The following RB1 variants were observed in gnomAD, a reference collection of about 807,000 sequenced individuals.
The protein encoded by RB1 is retinoblastoma-associated protein.
In RB1, 18 loss-of-function variants were observed where a neutral mutation model predicts 135.4. The observed-to-expected ratio is 0.13, with a 90% CI of 0.09 to 0.20. RB1 has a LOEUF of 0.20. RB1 is among the 10% of genes least tolerant of loss of function. The pLI, the probability that RB1 is intolerant of heterozygous loss-of-function variation, is 1.00. For missense variants in RB1, 868 were observed against 1,110.0 expected (o/e 0.78, Z 3.10); for synonymous variants, 365 against 373.2 (o/e 0.98, Z 0.25).
intron 12 of RB1, 123 bp downstream of exon 12, chr13:48,373,615 T>C: frequency 1.6e-6 from 1 of 625,922 alleles, no homozygotes; most frequent in East Asian, 2.8e-5. Flanking sequence ...TTATCCATAA[T>C]CTTTTCTTGC....
At chr13:48,320,366 C>T (rs1952223951) in intron 2 of RB1, 2 of 1,227,664 alleles carry the variant, frequency 1.6e-6, no homozygotes, top group Non-Finnish European at 2.4e-6. Flanking sequence ...CTCTCCACCC[C>T]CTCGTCAGCC....
intron 17 of RB1, among the ~76,000 whole-genome samples, chr13:48,451,544 C>T (rs1949327012): frequency 6.6e-6 from 1 of 152,076 alleles, no homozygotes; most frequent in Non-Finnish European, 1.5e-5. Flanking sequence ...TGGATTTTTG[C>T]ATTGCTGTTC....
chr13:48,359,588 A>C (rs1952621030), intron 6 of RB1, among the ~76,000 whole-genome samples: 1 of 147,788 alleles, frequency 6.8e-6, no homozygotes, highest in African/African-American at 2.4e-5. Context: ...ATAATAAAAT[A>C]TTATACAAAT....
chr13:48,335,073 G>A (rs984195533), intron 2 of RB1, among the ~76,000 whole-genome samples: 3 of 151,956 alleles, frequency 2.0e-5, no homozygotes, highest in Non-Finnish European at 1.5e-5. Context: ...AGAGATAATC[G>A]TGAACATTTT....
intron 23 of RB1, among the ~76,000 whole-genome samples, chr13:48,466,596 G>A (rs1949446656): frequency 2.0e-5 from 3 of 151,814 alleles, no homozygotes; most frequent in South Asian, 2.1e-4. Flanking sequence ...GGTTTCAGAC[G>A]ATCAAATTAC....
At chr13:48,450,367 C>T (rs187591344) in intron 17 of RB1, among the ~76,000 whole-genome samples, 1 of 152,034 alleles carries the variant, frequency 6.6e-6, no homozygotes, top group East Asian at 1.9e-4. Context: ...TCTCCGAGGA[C>T]CATTTATTTA....
intron 2 of RB1, among the ~76,000 whole-genome samples, chr13:48,329,293 A>G (rs1030183187): frequency 7.9e-5 from 12 of 152,222 alleles, no homozygotes; most frequent in Non-Finnish European, 1.8e-4. Flanking sequence ...CTTGAAAATC[A>G]TCAGGTACCT....
intron 21 of RB1, among the ~76,000 whole-genome samples, chr13:48,464,658 A>C (rs533101242): frequency 6.6e-6 from 1 of 152,124 alleles, no homozygotes; most frequent in African/African-American, 2.4e-5. Context: ...TGGCCCTTTG[A>C]TTCCCATCAT....
intron 2 of RB1, among the ~76,000 whole-genome samples, chr13:48,322,006 G>A (rs1045440714): frequency 2.0e-5 from 3 of 152,126 alleles, no homozygotes; most frequent in Non-Finnish European, 2.9e-5. Context: ...CCCATTCTGA[G>A]GGTTGTCTCT....
chr13:48,308,223 G>T (rs1467618551), intron 2 of RB1, among the ~76,000 whole-genome samples: 3 of 151,584 alleles, frequency 2.0e-5, no homozygotes, highest in Admixed American at 6.6e-5. Flanking sequence ...GGTGGTGTGT[G>T]CCTATAGTCC....
intron 7 of RB1, among the ~76,000 whole-genome samples, chr13:48,361,445 C>T (rs1364571292): frequency 1.3e-5 from 2 of 152,100 alleles, no homozygotes; most frequent in East Asian, 1.9e-4. Flanking sequence ...TCTGTAGCCC[C>T]ATTGCCTGCT....
intron 24 of RB1, chr13:48,476,420 C>A: frequency 2.6e-6 from 1 of 385,392 alleles, no homozygotes; most frequent in Non-Finnish European, 4.9e-6. Context: ...AATGAGGAAC[C>A]AGGACTTGCA....
chr13:48,348,848 A>ATTTTTT, intron 5 of RB1, 108 bp from the exon 6 acceptor site: 1 of 1,091,026 alleles, frequency 9.2e-7, no homozygotes, highest in Non-Finnish European at 1.2e-6. Flanking sequence ...AACTAAGGTC[A>ATTTTTT]TTTTTTTTTT....
chr13:48,365,986 G>C (rs991965318), intron 9 of RB1, among the ~76,000 whole-genome samples: 8 of 152,186 alleles, frequency 5.3e-5, no homozygotes, highest in African/African-American at 1.7e-4. Flanking sequence ...TTTCAAATCT[G>C]AGTAAGCATT....
rs764171812 is a variant in RB1, at chr13:48,477,369, G to T, written c.2678G>T (p.Gly893Val). 6.2e-7 allele frequency: 1 copy of T among 1,609,856 alleles called. No individual in the cohort carries two copies. Residue 893 changes from glycine (G) to valine (V), a missense_variant, in exon 26 of 27, where the codon GGA becomes GTA. Gly to Val is a moderately radical substitution (Grantham distance 109). Transcript: ENST00000267163. The part of the protein sequence containing the change: ...DEADGSKHLP[G>V]ESKFQQKLAE... ...TTAATCTGCAGTAAACATCTCCCAG[G>T]AGAGTCCAAATTTCAGCAGAAACTG...
In RB1 at chr13:48,381,927, T is replaced by C. The variant is rs4151542; in HGVS notation, c.1695+484T>C. 3.3e-4 allele frequency among the ~76,000 whole-genome samples: 51 copies of C among 152,262 alleles called. 3 individuals carry two copies. In the South Asian group the frequency reaches 9.8e-3, roughly 29 times the overall value. ...GTTCTCATTGTTCATTTCCCACCTATGAGTGAGAACATGCAGTGTTTGGTT... is the reference window on the plus strand; with the variant it reads ...GTTCTCATTGTTCATTTCCCACCTACGAGTGAGAACATGCAGTGTTTGGTT... On this transcript the variant is annotated intron_variant, in intron 17 of 26. Transcript: ENST00000267163.
rs190398176 is a variant in RB1, at chr13:48,389,052, C to T, written c.1695+7609C>T. 6.6e-5 allele frequency among the ~76,000 whole-genome samples: 10 copies of T among 151,938 alleles called. No individual in the cohort carries two copies. In the East Asian group the frequency reaches 1.2e-3, roughly 18 times the overall value. On this transcript the variant is annotated intron_variant, in intron 17 of 26. Coordinates refer to ENST00000267163, the MANE Select transcript of RB1 (RefSeq NM_000321.3). ...GTGAATGCCTGTAATTCTAGCTACTCGGGAGGCTGAGGCATGAGAATCGCT... is the reference window on the plus strand; with the variant it reads ...GTGAATGCCTGTAATTCTAGCTACTTGGGAGGCTGAGGCATGAGAATCGCT...
At chr13:48,442,154 A>G (rs1167115199) in intron 17 of RB1, among the ~76,000 whole-genome samples, 1 of 151,972 alleles carries the variant, frequency 6.6e-6, no homozygotes, top group East Asian at 1.9e-4. Flanking sequence ...TCTGTTTCTC[A>G]CATTGTATTA....
At position 48,460,018 on chromosome 13, in the gene RB1, A is replaced by G. The variant is rs198581; in HGVS notation, c.2106+185A>G. On this transcript the variant is annotated intron_variant, in intron 20 of 26. Transcript: ENST00000267163. ...AGAGTCTCACTCTGTTACCCAGGCT[A>G]GAGTGCAGTGGCGCAATCTCGGCTC... Among the ~76,000 whole-genome samples, 112,898 of 123,356 alleles carry G rather than the reference A, an allele frequency of 0.92. 52,944 individuals carry two copies. The highest frequency in any genetic ancestry group is 1 in the East Asian group (3,964 of 3,974). The allele number at this position is 123,356 out of a possible 152,430, so 80.9% of individuals were successfully genotyped here.
Sources: gnomAD v4.1 joint callset for allele counts (sites outside exome capture counted in the v4.1 genomes callset) on GRCh38, gnomAD v4.1.1 for gene constraint, MANE v1.5 for transcripts, NCBI Gene and HGNC (gene_info 2026-07-23, HGNC 2026-07-21) for gene names.